Variants in DSCAM observed in about 807,000 individuals in gnomAD.
DSCAM encodes the protein cell adhesion molecule DSCAM.
DSCAM carries 47 observed loss-of-function variants against 217.7 expected under a neutral mutation model. That is an observed-to-expected ratio of 0.22 (90% CI 0.17 to 0.28). DSCAM has a LOEUF of 0.28. Ranked by LOEUF, DSCAM falls within the 10% of genes least tolerant of loss-of-function variation. The probability of loss-of-function intolerance (pLI) is 1.00; values close to 1 mark genes in which losing one functional copy is unlikely to be tolerated. For synonymous variants in DSCAM, 1,056 were observed against 1,015.3 expected (o/e 1.04, Z -0.76); for missense variants, 2,080 against 2,618.3 (o/e 0.79, Z 4.49).
At position 40,387,516 on chromosome 21, in the gene DSCAM, A is replaced by G. The variant is rs184615017; in HGVS notation, c.509-18271T>C. Among the ~76,000 whole-genome samples, 484 of 152,312 alleles carry G rather than the reference A, an allele frequency of 3.2e-3. 4 individuals are homozygous for G. Among genetic ancestry groups the G allele is most frequent in the African/African-American group, 0.011 (449 of 41,564 alleles). On this transcript the variant is annotated intron_variant, in intron 3 of 32. Coordinates refer to ENST00000400454, the MANE Select transcript of DSCAM (RefSeq NM_001389.5). Reference sequence around the variant, plus strand: ...GGTCCAGTAGACCTCACTCTAGAAAATAACATATAGTGACTTCGCTTCTAA... The same window carrying G: ...GGTCCAGTAGACCTCACTCTAGAAAGTAACATATAGTGACTTCGCTTCTAA...
chr21:40,332,472 T>A (rs1324187274), intron 8 of DSCAM, among the ~76,000 whole-genome samples: 1 of 152,220 alleles, frequency 6.6e-6, no homozygotes, highest in South Asian at 2.1e-4. Flanking sequence ...TTGTAAACTA[T>A]AAAGTTTTAT....
Position 40,012,947 on chromosome 21 carries a change from A to C in DSCAM, c.*87T>G. ...TATATTTTGGCAATTTTCTTTAATT[A>C]TAAATATTGGAATTCCGTAAAAAAA... is the stretch of plus-strand genomic sequence containing the variant. On this transcript the variant is annotated 3_prime_UTR_variant, in exon 33 of 33. Coordinates refer to ENST00000400454, the MANE Select transcript of DSCAM (RefSeq NM_001389.5). The C allele has an allele frequency of 1.0e-6, 1 of 986,666 alleles. No homozygotes were observed. Among genetic ancestry groups the C allele is most frequent in the Non-Finnish European group, 1.3e-6 (1 of 743,776 alleles). The allele number at this position is 986,666 out of a possible 1,614,324, so 61.1% of individuals were successfully genotyped here.
At chr21:40,608,178 A>G (rs183795107) in intron 3 of DSCAM, among the ~76,000 whole-genome samples, 184 of 152,356 alleles carry the variant, frequency 1.2e-3, no homozygotes, top group African/African-American at 4.1e-3. Flanking sequence ...TTCTAGTGGC[A>G]GTGAGAAATT....
intron 11 of DSCAM, among the ~76,000 whole-genome samples, chr21:40,210,884 T>C (rs1285116778): frequency 5.9e-5 from 9 of 152,220 alleles, no homozygotes; most frequent in Admixed American, 5.9e-4. Context: ...TGTGTGTATG[T>C]GCTCGTGTAG....
intron 6 of DSCAM, among the ~76,000 whole-genome samples, chr21:40,346,052 A>G (rs1256346734): frequency 1.3e-5 from 2 of 152,180 alleles, no homozygotes; most frequent in East Asian, 3.9e-4. Flanking sequence ...GATCATCAAT[A>G]TGGTCTTTAG....
At chr21:40,105,848 A>G (rs1744402581) in intron 20 of DSCAM, among the ~76,000 whole-genome samples, 1 of 152,234 alleles carries the variant, frequency 6.6e-6, no homozygotes, top group African/African-American at 2.4e-5. Flanking sequence ...CACATTCCAT[A>G]TCTATTGAGA....
chr21:40,473,899 G>A lies in DSCAM; in HGVS notation c.509-104654C>T, dbSNP rs562044632. 1.0e-3 allele frequency among the ~76,000 whole-genome samples: 152 copies of A among 152,296 alleles called. 1 individual carries two copies. The highest frequency in any genetic ancestry group is 3.4e-3 in the Middle Eastern group (1 of 294). On this transcript the variant is annotated intron_variant, in intron 3 of 32. Coordinates refer to ENST00000400454, the MANE Select transcript of DSCAM (RefSeq NM_001389.5). ...CTGATAGCTTCGTCTTGGACTTAGA[G>A]CCTCCAAAACTATGAGAAAACAAAT... is the stretch of plus-strand genomic sequence containing the variant.
At chr21:40,530,947 A>ATCCG (rs2076440985) in intron 3 of DSCAM, among the ~76,000 whole-genome samples, 1 of 128,798 alleles carries the variant, frequency 7.8e-6, no homozygotes. Flanking sequence ...CCATCCATCC[A>ATCCG]TCCATCCATC....
At chr21:40,581,274 C>A (rs1023851608) in intron 3 of DSCAM, among the ~76,000 whole-genome samples, 3 of 152,168 alleles carry the variant, frequency 2.0e-5, no homozygotes, top group Non-Finnish European at 2.9e-5. Context: ...CTGAGACCAC[C>A]TTTTGCTAGT....
chr21:40,242,166 A>T (rs565250150), intron 11 of DSCAM, among the ~76,000 whole-genome samples: 426 of 144,424 alleles, frequency 2.9e-3, no homozygotes, highest in Middle Eastern at 7.3e-3. Flanking sequence ...TTTTTTTTTT[A>T]AAAGAAAGAA....
intron 1 of DSCAM, among the ~76,000 whole-genome samples, chr21:40,721,548 T>A (rs1239338759): frequency 6.6e-6 from 1 of 152,002 alleles, no homozygotes; most frequent in East Asian, 1.9e-4. Context: ...GTTAGACAAA[T>A]AGGATTAATG....
chr21:40,305,817 C>A (rs960839722), intron 9 of DSCAM, among the ~76,000 whole-genome samples: 1 of 152,102 alleles, frequency 6.6e-6, no homozygotes, highest in Non-Finnish European at 1.5e-5. Context: ...GTTTTGGTAC[C>A]AGTGCCATGC....
chr21:40,248,281 T>C (rs1400642775), intron 11 of DSCAM, among the ~76,000 whole-genome samples: 3 of 152,246 alleles, frequency 2.0e-5, no homozygotes, highest in Non-Finnish European at 2.9e-5. Flanking sequence ...CCTCAGAAGA[T>C]GGCATTTTCT....
intron 8 of DSCAM, among the ~76,000 whole-genome samples, chr21:40,334,348 T>C (rs187966831): frequency 4.8e-4 from 73 of 152,324 alleles, no homozygotes; most frequent in African/African-American, 1.5e-3. Flanking sequence ...CACTGCATCT[T>C]CTGCTGACTC....
chr21:40,282,464 G>C (rs1291344851), intron 10 of DSCAM, among the ~76,000 whole-genome samples: 1 of 151,332 alleles, frequency 6.6e-6, no homozygotes, highest in African/African-American at 2.4e-5. Context: ...GGTAGCGGGC[G>C]CCTGTAGTCC....
chr21:40,343,866 ATTT>A (rs891719232), intron 6 of DSCAM, among the ~76,000 whole-genome samples: 4 of 149,542 alleles, frequency 2.7e-5, no homozygotes, highest in Non-Finnish European at 5.9e-5. Context: ...ATTTTATTTT[ATTT>A]TTTATTTTAT....
chr21:40,033,093 T>A (rs978828685), intron 32 of DSCAM, among the ~76,000 whole-genome samples: 2 of 152,176 alleles, frequency 1.3e-5, no homozygotes, highest in East Asian at 3.9e-4. Flanking sequence ...GTTTCAGTGG[T>A]GAGATACCTC....
intron 3 of DSCAM, among the ~76,000 whole-genome samples, chr21:40,616,435 G>C (rs559856605): frequency 5.3e-5 from 8 of 152,288 alleles, no homozygotes; most frequent in African/African-American, 1.9e-4. Context: ...CCTGGAAATA[G>C]GTGCCTGTGT....
chr21:40,041,905 G>C (rs2088757995), intron 32 of DSCAM, among the ~76,000 whole-genome samples: 1 of 152,142 alleles, frequency 6.6e-6, no homozygotes, highest in Non-Finnish European at 1.5e-5. Flanking sequence ...GGTTTCTTGG[G>C]CTCTGTGACT....
Sources: gnomAD v4.1 joint callset for allele counts (sites outside exome capture counted in the v4.1 genomes callset) on GRCh38, gnomAD v4.1.1 for gene constraint, MANE v1.5 for transcripts, NCBI Gene and HGNC (gene_info 2026-07-23, HGNC 2026-07-21) for gene names.